The following MRAP2 variants were observed in gnomAD, a reference collection of about 807,000 sequenced individuals.
The protein encoded by MRAP2 is melanocortin-2 receptor accessory protein 2.
In MRAP2, 20 loss-of-function variants were observed where a neutral mutation model predicts 17.4. That is an observed-to-expected ratio of 1.15 (90% CI 0.81 to 1.67). The LOEUF (loss-of-function observed/expected upper bound fraction) is 1.67. Ranked by LOEUF, MRAP2 falls within the 40% of genes most tolerant of loss-of-function variation. MRAP2 has a pLI of 0.00. For synonymous variants in MRAP2, 96 were observed against 88.4 expected, an observed-to-expected ratio of 1.09 and a Z score of -0.48; for missense variants, 238 against 240.0, an observed-to-expected ratio of 0.99 and a Z score of 0.05.
At chr6:84,142,451 G>A in the MRAP2 span, among the ~76,000 whole-genome samples, 44 of 151,944 alleles carry the variant, frequency 2.9e-4, no homozygotes, top group Non-Finnish European at 1.0e-4. Flanking sequence ...ACCTTTGGAC[G>A]GTATTGTCAA....
chr6:84,095,282 G>A (rs564153571), downstream of MRAP2, among the ~76,000 whole-genome samples: 1 of 152,312 alleles, frequency 6.6e-6, no homozygotes, highest in South Asian at 2.1e-4. Context: ...GCTCCAGAGG[G>A]AGACACTATC....
intron 3 of MRAP2, among the ~76,000 whole-genome samples, chr6:84,072,417 T>C (rs144044134): frequency 6.6e-4 from 100 of 152,344 alleles, no homozygotes; most frequent in African/African-American, 2.4e-3. Context: ...CAGAGTCCTG[T>C]GACGAGAATC....
intron 1 of MRAP2, among the ~76,000 whole-genome samples, chr6:84,046,937 G>C (rs890877652): frequency 4.6e-5 from 7 of 151,926 alleles, no homozygotes; most frequent in Non-Finnish European, 1.0e-4. Context: ...ATTCCTCACA[G>C]CTTAGAGGGA....
intron 3 of MRAP2, among the ~76,000 whole-genome samples, chr6:84,079,325 A>G (rs976096484): frequency 1.3e-5 from 2 of 152,250 alleles, no homozygotes; most frequent in African/African-American, 4.8e-5. Flanking sequence ...GATTCCATTT[A>G]TATAAATTTC....
chr6:84,129,955 A>C, the MRAP2 span, among the ~76,000 whole-genome samples: 1 of 152,106 alleles, frequency 6.6e-6, no homozygotes, highest in Non-Finnish European at 1.5e-5. Flanking sequence ...CTTCAAAGGG[A>C]ATGCTTCCAG....
chr6:84,064,634 C>T (rs1032040254), intron 3 of MRAP2, among the ~76,000 whole-genome samples: 6 of 152,138 alleles, frequency 3.9e-5, no homozygotes, highest in African/African-American at 1.4e-4. Context: ...ACTACAGGCA[C>T]CCACCACCAC....
the MRAP2 span, among the ~76,000 whole-genome samples, chr6:84,115,742 C>T: frequency 3.3e-5 from 5 of 152,302 alleles, no homozygotes; most frequent in African/African-American, 9.6e-5. Context: ...GTCTGCAGGT[C>T]GTGAAGACCA....
Position 84,033,786 on chromosome 6 carries a change from G to GGGCGGTGGGAGGCGGCGGC in MRAP2, c.-99_-81dup, listed in dbSNP as rs2099485169. 4 of 987,060 alleles carry GGGCGGTGGGAGGCGGCGGC rather than the reference G, an allele frequency of 4.1e-6. No homozygotes were observed. The highest frequency in any genetic ancestry group is 3.6e-6 in the Non-Finnish European group (3 of 830,996). 61.1% of individuals were successfully genotyped at this position (987,060 alleles called of 1,614,324 possible). A position where few individuals can be genotyped will look rare whatever the true frequency, so the allele number is the denominator to read the frequency against. On this transcript the variant is annotated 5_prime_UTR_variant, in exon 1 of 4. Transcript: ENST00000257776. ...ATCTAGGAGCTACTCGCCCGGCCCT[G>GGGCGGTGGGAGGCGGCGGC]GGCGGTGGGAGGCGGCGGCGGCGGC... is the stretch of plus-strand genomic sequence containing the variant.
chr6:84,088,976 C>T lies in MRAP2; in HGVS notation c.228-115C>T, dbSNP rs796717683. On this transcript the variant is annotated intron_variant, in intron 3 of 3. Transcript: ENST00000257776. ...GTCTGCATGCCATGCAAGGGGCTTA[C>T]ACTCAATAGGTGCTTAGTGGAAATG... 11 of 1,151,226 alleles carry T rather than the reference C, an allele frequency of 9.6e-6. No individual in the cohort carries two copies. The South Asian group carries it at 1.7e-4, about 18-fold the overall frequency. The allele number at this position is 1,151,226 out of a possible 1,614,324, so 71.3% of individuals were successfully genotyped here.
intron 3 of MRAP2, among the ~76,000 whole-genome samples, chr6:84,087,307 C>T (rs2099500734): frequency 6.6e-6 from 1 of 152,192 alleles, no homozygotes; most frequent in Non-Finnish European, 1.5e-5. Flanking sequence ...ACAATGGTTG[C>T]ATTCTTTTGA....
At chr6:84,129,305 C>T in the MRAP2 span, among the ~76,000 whole-genome samples, 2 of 152,188 alleles carry the variant, frequency 1.3e-5, no homozygotes, top group African/African-American at 4.8e-5. Flanking sequence ...TACACTCCCA[C>T]CAACAGTGTA....
chr6:84,098,435 T>G, the MRAP2 span, among the ~76,000 whole-genome samples: 1 of 152,224 alleles, frequency 6.6e-6, no homozygotes, highest in African/African-American at 2.4e-5. Flanking sequence ...GCTGTAAATA[T>G]TCATTTATAA....
the MRAP2 span, among the ~76,000 whole-genome samples, chr6:84,114,002 C>T: frequency 1.3e-5 from 2 of 152,168 alleles, no homozygotes; most frequent in East Asian, 1.9e-4. Context: ...CTCTTGCTGC[C>T]TTTAACATTT....
chr6:84,110,318 A>T, the MRAP2 span, among the ~76,000 whole-genome samples: 1 of 152,146 alleles, frequency 6.6e-6, no homozygotes, highest in African/African-American at 2.4e-5. Context: ...TGTGGTTTTG[A>T]TTTGCATTTC....
chr6:84,109,599 CT>C, the MRAP2 span, among the ~76,000 whole-genome samples: 7 of 151,994 alleles, frequency 4.6e-5, no homozygotes, highest in African/African-American at 1.7e-4. Flanking sequence ...AAACACTCAA[CT>C]TCTTTATTAT....
At chr6:84,143,048 G>A in the MRAP2 span, among the ~76,000 whole-genome samples, 1 of 151,878 alleles carries the variant, frequency 6.6e-6, no homozygotes, top group Admixed American at 6.6e-5. Flanking sequence ...TTTTATGTTT[G>A]TAAAAAAAAA....
At chr6:84,117,922 C>A in the MRAP2 span, among the ~76,000 whole-genome samples, 1 of 152,158 alleles carries the variant, frequency 6.6e-6, no homozygotes, top group South Asian at 2.1e-4. Context: ...GGCTGGAGAA[C>A]CCTATTGGAA....
At chr6:84,066,921 G>A (rs1293981741) in intron 3 of MRAP2, among the ~76,000 whole-genome samples, 1 of 152,144 alleles carries the variant, frequency 6.6e-6, no homozygotes, top group East Asian at 1.9e-4. Context: ...TGGGGTACAG[G>A]TGGTATTTGG....
rs1329037602 is a variant in MRAP2 at position 84,090,566 on chromosome 6, A to G, written c.*1085A>G. On this transcript the variant is annotated 3_prime_UTR_variant, in exon 4 of 4. Transcript: ENST00000257776. ...GTATCTGTGCCATTGGCTACAGAAC[A>G]AGAAAAATACTATTTGCCATGCTAT... 1 of 152,186 alleles carries G rather than the reference A, an allele frequency of 6.6e-6. No individual in the cohort carries two copies. The highest frequency in any genetic ancestry group is 2.4e-5 in the African/African-American group (1 of 41,440). The allele number at this position is 152,186 out of a possible 1,614,324, so 9.4% of individuals were successfully genotyped here.
Sources: allele counts gnomAD v4.1 joint callset (sites outside exome capture counted in the v4.1 genomes callset), GRCh38; gene constraint gnomAD v4.1.1; transcripts MANE v1.5; gene names NCBI Gene and HGNC (gene_info 2026-07-23, HGNC 2026-07-21).